DTX3L: variants seen among roughly 807,000 people sequenced by gnomAD.
DTX3L encodes E3 ubiquitin-protein ligase DTX3L.
In DTX3L, 34 loss-of-function variants were observed where a neutral mutation model predicts 60.9. That is an observed-to-expected ratio of 0.56 (90% CI 0.42 to 0.74). DTX3L has a LOEUF of 0.74. Among genes scored for constraint, DTX3L ranks in the 30% least tolerant of loss-of-function variants. The probability of loss-of-function intolerance (pLI) is 0.00; values close to 1 mark genes in which losing one functional copy is unlikely to be tolerated. For missense variants in DTX3L, 810 were observed against 874.0 expected, an observed-to-expected ratio of 0.93 and a Z score of 0.92; for synonymous variants, 290 against 316.6, an observed-to-expected ratio of 0.92 and a Z score of 0.89.
At chr3:122,565,504 A>C (rs897944292) in intron 1 of DTX3L, among the ~76,000 whole-genome samples, 1 of 116,874 alleles carries the variant, frequency 8.6e-6, no homozygotes, top group African/African-American at 3.3e-5. Flanking sequence ...ACAGAGTGAG[A>C]CTCCGTCTAA....
chr3:122,564,713 GA>G, intron 1 of DTX3L, 100 bp downstream of exon 1: 2 of 1,409,694 alleles, frequency 1.4e-6, no homozygotes, highest in Non-Finnish European at 1.9e-6. Flanking sequence ...GAGGGCGGGA[GA>G]AAGTATGTCA....
chr3:122,568,471 T>A lies in DTX3L; in HGVS notation c.400-18T>A, dbSNP rs759513598. On this transcript the variant is annotated intron_variant, in intron 2 of 4. Coordinates refer to ENST00000296161, the MANE Select transcript of DTX3L (RefSeq NM_138287.3). ...TGCTGAGAGGTTTTATTTGTTCCTG[T>A]TCCTTTTAAAATTTCAGATCTTTCT... 2 of 1,575,506 alleles carry A rather than the reference T, an allele frequency of 1.3e-6. No individual in the cohort carries two copies. The highest frequency in any genetic ancestry group is 2.7e-5 in the African/African-American group (2 of 73,580).
intron 3 of DTX3L, 98 bp from the exon 4 acceptor site, chr3:122,570,357 C>T: frequency 8.1e-7 from 1 of 1,230,226 alleles, no homozygotes; most frequent in Non-Finnish European, 1.2e-6. Flanking sequence ...ACCTTTCTTG[C>T]TTTTGATTTG....
chr3:122,568,076 G>A (rs1282095120), intron 2 of DTX3L, among the ~76,000 whole-genome samples: 1 of 152,186 alleles, frequency 6.6e-6, no homozygotes, highest in East Asian at 1.9e-4. Context: ...TTGGGAGGCT[G>A]AGGTGGGTGG....
rs1021504269 is a variant in DTX3L at position 122,571,699 on chromosome 3, T to C, written c.2175T>C (p.Ser725=). The change falls in exon 5 of 5, where the codon TCT becomes TCC. Residue 725 remains serine (S), a synonymous_variant. Coordinates refer to ENST00000296161, the MANE Select transcript of DTX3L (RefSeq NM_138287.3). ...TCAGGTATGGCTATCCTGATCCTTC[T>C]TACCTGAAACGTGTCAAAGAGGAGC... ...GPEMYGYPDP[S]YLKRVKEELK... The C allele has an allele frequency of 6.2e-7, 1 of 1,613,534 alleles. No individual in the cohort carries two copies. The highest frequency in any genetic ancestry group is 8.5e-7 in the Non-Finnish European group (1 of 1,179,648).
chr3:122,566,512 G>A (rs191923781), intron 2 of DTX3L, among the ~76,000 whole-genome samples: 76 of 150,140 alleles, frequency 5.1e-4, no homozygotes, highest in African/African-American at 1.4e-3. Context: ...GACTATAGGC[G>A]CCACTACACC....
Position 122,564,341 on chromosome 3 carries a change from A to C in DTX3L, c.-86A>C. 6 of 1,446,924 alleles carry C rather than the reference A, an allele frequency of 4.1e-6. No individual in the cohort carries two copies. Among genetic ancestry groups the C allele is most frequent in the Non-Finnish European group, 5.5e-6 (6 of 1,083,616 alleles). The allele number at this position is 1,446,924 out of a possible 1,614,324, so 89.6% of individuals were successfully genotyped here. On this transcript the variant is annotated 5_prime_UTR_variant, in exon 1 of 5. Transcript: ENST00000296161. ...GGACCTCCAGGGAAGCGAAACTGAAACTTTGCGCCCAGTCCGCAGGGCGGG... is the reference window on the plus strand; with the variant it reads ...GGACCTCCAGGGAAGCGAAACTGAACCTTTGCGCCCAGTCCGCAGGGCGGG...
intron 1 of DTX3L, 97 bp downstream of exon 1, chr3:122,564,710 G>A (rs1043918305): frequency 1.4e-6 from 2 of 1,429,870 alleles, no homozygotes; most frequent in South Asian, 1.4e-5. Context: ...GGAGAGGGCG[G>A]GAGAAAGTAT....
chr3:122,566,790 T>C (rs976559705), intron 2 of DTX3L, among the ~76,000 whole-genome samples: 2 of 152,122 alleles, frequency 1.3e-5, no homozygotes, highest in Admixed American at 6.5e-5. Context: ...CAGGCACTGT[T>C]ATAGGAGCTG....
In DTX3L at chr3:122,568,780, CAA is replaced by C; in HGVS notation, c.696_697del (p.Ser233GlnfsTer4). 5 of 1,613,940 alleles carry C rather than the reference CAA, an allele frequency of 3.1e-6. No individual in the cohort carries two copies. The highest frequency in any genetic ancestry group is 2.5e-6 in the Non-Finnish European group (3 of 1,179,982). On this transcript the variant is annotated frameshift_variant, in exon 3 of 5. Transcript: ENST00000296161. LOFTEE classifies it high-confidence loss of function. ...SPSEPETKAE[Q>X]KSNYFEVPLP... is the part of the protein sequence containing the mutation. The stretch of plus-strand genomic sequence containing the variant: ...TTCTGAACCAGAAACCAAGGCAGAA[CAA>C]AAAAGCAACTATTTTGAAGTTCCCT...
chr3:122,569,594 C>T lies in DTX3L; in HGVS notation c.1505C>T (p.Ala502Val), dbSNP rs202191528. ...GGTTTGCCAAATCACCTTGCAAAGG[C>T]GAAGCAGTATGTTCTAAAAGGAGGA... ...LTGLPNHLAK[A>V]KQYVLKGGGM... Residue 502 changes from alanine (A) to valine (V), a missense_variant, in exon 3 of 5, where the codon GCG (alanine) becomes GTG (valine). Transcript: ENST00000296161. 2,269 of 1,614,138 alleles carry T rather than the reference C, an allele frequency of 1.4e-3. 2 individuals carry two copies. Among genetic ancestry groups the T allele is most frequent in the Non-Finnish European group, 1.8e-3 (2,180 of 1,180,014 alleles).
intron 2 of DTX3L, among the ~76,000 whole-genome samples, chr3:122,567,591 AG>A (rs1305831704): frequency 6.6e-6 from 1 of 152,222 alleles, no homozygotes; most frequent in Admixed American, 6.5e-5. Flanking sequence ...TCTAAAGGCC[AG>A]GGTTTAGAAG....
chr3:122,568,061 G>C (rs1340458825), intron 2 of DTX3L, among the ~76,000 whole-genome samples: 1 of 152,216 alleles, frequency 6.6e-6, no homozygotes, highest in East Asian at 1.9e-4. Flanking sequence ...TGTAATCCCA[G>C]CACTTTGGGA....
In DTX3L at chr3:122,564,609, G is replaced by T; in HGVS notation, c.183G>T (p.Arg61Ser). ...CCTTCCGGGTGGAGTTCAGTGAAAG[G>T]GCAGGTGAGCTTCGGGCGGCCAGGC... The part of the protein sequence containing the change: ...PGTFRVEFSE[R>S]AAKERVLKKG... The change falls in exon 1 of 5, where the codon AGG (arginine) becomes AGT (serine). Residue 61 changes from arginine (R) to serine (S), a missense_variant. By Grantham distance (110) the Arg-to-Ser change is moderately radical. Coordinates refer to ENST00000296161, the MANE Select transcript of DTX3L (RefSeq NM_138287.3). 1.3e-6 allele frequency: 2 copies of T among 1,589,932 alleles called. No individual in the cohort carries two copies.
rs1312891760 is a variant in DTX3L, at chr3:122,570,672, T to C, written c.2153T>C (p.Met718Thr). 3 of 1,614,124 alleles carry C rather than the reference T, an allele frequency of 1.9e-6. No homozygotes were observed. The highest frequency in any genetic ancestry group is 1.3e-5 in the African/African-American group (1 of 75,044). Reference protein sequence around the residue: ...HKTSRFGGPEMYGYPDPSYLK... With the variant: ...HKTSRFGGPETYGYPDPSYLK... ...ACATCCCGGTTTGGAGGACCAGAAATGTGAGATCCTTTTGGGATGTAATGG... is the reference window on the plus strand; with the variant it reads ...ACATCCCGGTTTGGAGGACCAGAAACGTGAGATCCTTTTGGGATGTAATGG... Residue 718 changes from methionine to threonine, a missense_variant and splice_region_variant, in exon 4 of 5, where the codon ATG becomes ACG. Coordinates refer to ENST00000296161, the MANE Select transcript of DTX3L (RefSeq NM_138287.3).
At position 122,568,736 on chromosome 3, in the gene DTX3L, G is replaced by A. The variant is rs780914623; in HGVS notation, c.647G>A (p.Arg216Lys). ...AGGAAGCCACTCAGTCAGCAGGAGA[G>A]GGACAGCTGCATTTCTCCTTCTGAA... ...TERKPLSQQE[R>K]DSCISPSEPE... is the part of the protein sequence containing the mutation. The change falls in exon 3 of 5, where the codon AGG becomes AAG. Residue 216 changes from arginine to lysine, a missense_variant. By Grantham distance (26) the Arg-to-Lys change is conservative (BLOSUM62 2). Coordinates refer to ENST00000296161, the MANE Select transcript of DTX3L (RefSeq NM_138287.3). 1 of 1,614,188 alleles carries A rather than the reference G, an allele frequency of 6.2e-7. No individual in the cohort carries two copies.
intron 2 of DTX3L, 91 bp downstream of exon 2, chr3:122,566,161 C>A: frequency 9.1e-7 from 1 of 1,103,476 alleles, no homozygotes; most frequent in Non-Finnish European, 1.3e-6. Context: ...ATGTGCTGGG[C>A]ACGTACATGG....
Position 122,570,244 on chromosome 3 carries a change from A to G in DTX3L, c.1936-211A>G, listed in dbSNP as rs1027068382. On this transcript the variant is annotated intron_variant, in intron 3 of 4. Transcript: ENST00000296161. The stretch of plus-strand genomic sequence containing the variant: ...GACAGAGAAAGGGTGGGTGGAGATT[A>G]TATCTTGAGATGGGGGTATCAGGAA... 19 of 722,334 alleles carry G rather than the reference A, an allele frequency of 2.6e-5. No individual in the cohort carries two copies. In the African/African-American group the frequency reaches 3.0e-4, roughly 12 times the overall value. 44.7% of individuals were successfully genotyped at this position (722,334 alleles called of 1,614,324 possible).
intron 2 of DTX3L, among the ~76,000 whole-genome samples, chr3:122,567,717 C>G (rs1436217028): frequency 6.6e-6 from 1 of 152,094 alleles, no homozygotes; most frequent in African/African-American, 2.4e-5. Context: ...TTTATGGCTC[C>G]CTTCCAAGTT....
Sources: gnomAD v4.1 joint callset for allele counts (sites outside exome capture counted in the v4.1 genomes callset) on GRCh38, gnomAD v4.1.1 for gene constraint, MANE v1.5 for transcripts, NCBI Gene and HGNC (gene_info 2026-07-23, HGNC 2026-07-21) for gene names.